The following ST6GAL1 variants were observed in gnomAD, a reference collection of about 807,000 sequenced individuals.
The protein encoded by ST6GAL1 is beta-galactoside alpha-2,6-sialyltransferase 1.
ST6GAL1 carries 20 observed loss-of-function variants against 38.0 expected under a neutral mutation model. That is an observed-to-expected ratio of 0.53 (90% CI 0.37 to 0.77). ST6GAL1 has a LOEUF of 0.77. Ranked by LOEUF, ST6GAL1 falls within the 30% of genes least tolerant of loss-of-function variation. The pLI is 0.00. For missense variants in ST6GAL1, 432 were observed against 496.4 expected, an observed-to-expected ratio of 0.87 and a Z score of 1.23; for synonymous variants, 196 against 188.2, an observed-to-expected ratio of 1.04 and a Z score of -0.34.
chr3:186,968,219 T>C (rs1056274220), intron 2 of ST6GAL1, among the ~76,000 whole-genome samples: 1 of 152,212 alleles, frequency 6.6e-6, no homozygotes, highest in Non-Finnish European at 1.5e-5. Flanking sequence ...CTCCCGGCTT[T>C]CTGATCCAGT....
chr3:187,067,394 C>CTTT (rs3055154), intron 5 of ST6GAL1, among the ~76,000 whole-genome samples: 6 of 114,118 alleles, frequency 5.3e-5, no homozygotes, highest in Admixed American at 9.0e-5. Flanking sequence ...GCAAGGCAAC[C>CTTT]TTTTTTTTTT....
intron 5 of ST6GAL1, among the ~76,000 whole-genome samples, chr3:187,054,095 CTGTT>C (rs1360892712): frequency 2.6e-5 from 4 of 152,116 alleles, no homozygotes; most frequent in African/African-American, 7.2e-5. Context: ...ATTTGGCTCT[CTGTT>C]TGTCTGTTAT....
chr3:186,996,401 G>T (rs764213700), intron 2 of ST6GAL1: 2 of 152,208 alleles, frequency 1.3e-5, no homozygotes, highest in African/African-American at 2.4e-5. Flanking sequence ...TGCTTTTCAT[G>T]CTTTGTGGCC....
chr3:186,996,844 C>T (rs1384583174), intron 2 of ST6GAL1, among the ~76,000 whole-genome samples: 1 of 151,814 alleles, frequency 6.6e-6, no homozygotes, highest in African/African-American at 2.4e-5. Flanking sequence ...ACATACGTGT[C>T]CCCCGCTTCT....
intron 2 of ST6GAL1, chr3:187,024,731 T>A (rs1321950502): frequency 6.6e-6 from 1 of 151,796 alleles, no homozygotes; most frequent in Non-Finnish European, 1.5e-5. Context: ...TTTCAACAAA[T>A]ATATGCCGTG....
chr3:187,004,900 C>T (rs1045556784), intron 2 of ST6GAL1, among the ~76,000 whole-genome samples: 6 of 152,202 alleles, frequency 3.9e-5, no homozygotes, highest in African/African-American at 1.2e-4. Flanking sequence ...TCTATCCTTT[C>T]TCTTTCTCCT....
chr3:186,951,104 T>C (rs562637810), intron 1 of ST6GAL1, among the ~76,000 whole-genome samples: 1 of 152,330 alleles, frequency 6.6e-6, no homozygotes, highest in African/African-American at 2.4e-5. Context: ...AGTTTTGTTT[T>C]TGTCCCCCAG....
At chr3:186,984,513 T>C (rs2108539620) in intron 2 of ST6GAL1, among the ~76,000 whole-genome samples, 1 of 152,196 alleles carries the variant, frequency 6.6e-6, no homozygotes, top group Non-Finnish European at 1.5e-5. Context: ...CCTTGATCCT[T>C]TCCTTCCAAC....
intron 2 of ST6GAL1, among the ~76,000 whole-genome samples, chr3:186,993,051 CCCT>C (rs573259477): frequency 2.6e-4 from 39 of 152,184 alleles, no homozygotes; most frequent in African/African-American, 8.9e-4. Context: ...CCCATCACTC[CCCT>C]CCTCTGTCTC....
intron 2 of ST6GAL1, among the ~76,000 whole-genome samples, chr3:187,036,611 A>C (rs1231534609): frequency 6.6e-6 from 1 of 152,232 alleles, no homozygotes; most frequent in African/African-American, 2.4e-5. Flanking sequence ...ACATGGATGC[A>C]GCTGGAAGCC....
chr3:187,030,636 G>A (rs975054770), intron 2 of ST6GAL1, among the ~76,000 whole-genome samples: 4 of 152,088 alleles, frequency 2.6e-5, no homozygotes, highest in Non-Finnish European at 5.9e-5. Flanking sequence ...GTTTCACCGT[G>A]TTGGCTAGGC....
chr3:186,973,315 C>T (rs573421097), intron 2 of ST6GAL1, among the ~76,000 whole-genome samples: 14 of 152,330 alleles, frequency 9.2e-5, no homozygotes, highest in East Asian at 7.7e-4. Context: ...GGATTACAGG[C>T]GTGAGCCACT....
intron 2 of ST6GAL1, among the ~76,000 whole-genome samples, chr3:187,034,323 C>T (rs929345855): frequency 6.6e-6 from 1 of 151,984 alleles, no homozygotes; most frequent in Non-Finnish European, 1.5e-5. Flanking sequence ...TTCTATCAGA[C>T]ATACAAAAAA....
chr3:187,054,657 C>T (rs1382489157), intron 5 of ST6GAL1, among the ~76,000 whole-genome samples: 5 of 152,128 alleles, frequency 3.3e-5, no homozygotes, highest in Non-Finnish European at 5.9e-5. Flanking sequence ...CTGACTTAAT[C>T]GTGGTGGATA....
intron 1 of ST6GAL1, among the ~76,000 whole-genome samples, chr3:186,938,561 A>G (rs1052148988): frequency 7.2e-5 from 11 of 152,188 alleles, no homozygotes; most frequent in Non-Finnish European, 1.6e-4. Context: ...TTTTCTTACC[A>G]TGACAGCAGG....
intron 2 of ST6GAL1, among the ~76,000 whole-genome samples, chr3:187,022,246 T>C (rs1717342180): frequency 1.3e-5 from 2 of 152,088 alleles, no homozygotes; most frequent in South Asian, 2.1e-4. Flanking sequence ...CTGCTTGGTG[T>C]TGGGGTGGGA....
intron 5 of ST6GAL1, among the ~76,000 whole-genome samples, chr3:187,062,730 G>A (rs2108595761): frequency 6.6e-6 from 1 of 152,302 alleles, no homozygotes; most frequent in Non-Finnish European, 1.5e-5. Flanking sequence ...GGTTTGTGGT[G>A]ATAGTTGCAC....
chr3:187,042,725 A>G lies in ST6GAL1; in HGVS notation c.22A>G (p.Lys8Glu), dbSNP rs747797139. Reference sequence around the variant, plus strand: ...CATTATGATTCACACCAACCTGAAGAAAAAGTTCAGCTGCTGCGTCCTGGT... The same window carrying G: ...CATTATGATTCACACCAACCTGAAGGAAAAGTTCAGCTGCTGCGTCCTGGT... MIHTNLK[K>E]KFSCCVLVFL... The change falls in exon 4 of 8, where the codon AAA becomes GAA. Residue 8 changes from lysine (K) to glutamate (E), a missense_variant. Physicochemically the swap from Lys to Glu is moderately conservative, Grantham distance 56. Coordinates refer to ENST00000169298, the MANE Select transcript of ST6GAL1 (RefSeq NM_173216.2). 2 of 1,612,118 alleles carry G rather than the reference A, an allele frequency of 1.2e-6. No individual in the cohort carries two copies. The highest frequency in any genetic ancestry group is 1.7e-6 in the Non-Finnish European group (2 of 1,179,064).
chr3:187,038,203 T>C lies in ST6GAL1; in HGVS notation c.-182-539T>C, dbSNP rs1462534381. Reference sequence around the variant, plus strand: ...TCTGGTGTCAAGTCTATTTCTTTTTTTTTTTTTTTTTTTTTCTTTTGAGAC... The same window carrying C: ...TCTGGTGTCAAGTCTATTTCTTTTTCTTTTTTTTTTTTTTTCTTTTGAGAC... On this transcript the variant is annotated intron_variant, in intron 2 of 7. Transcript: ENST00000169298. Among the ~76,000 whole-genome samples, 275 of 149,034 alleles carry C rather than the reference T, an allele frequency of 1.8e-3. 1 individual carries two copies. Among genetic ancestry groups the C allele is most frequent in the African/African-American group, 6.4e-3 (261 of 40,824 alleles).
Sources: allele counts gnomAD v4.1 joint callset (sites outside exome capture counted in the v4.1 genomes callset), GRCh38; gene constraint gnomAD v4.1.1; transcripts MANE v1.5; gene names NCBI Gene and HGNC (gene_info 2026-07-23, HGNC 2026-07-21).